CACNA1C: variants seen among roughly 807,000 people sequenced by gnomAD.
The protein encoded by CACNA1C is voltage-dependent L-type calcium channel subunit alpha-1C.
In CACNA1C, 30 loss-of-function variants were observed where a neutral mutation model predicts 229.0. That is an observed-to-expected ratio of 0.13 (90% CI 0.10 to 0.18). The LOEUF (loss-of-function observed/expected upper bound fraction) is 0.18, where lower values mean the gene tolerates loss of function less well. Among genes scored for constraint, CACNA1C ranks in the 10% least tolerant of loss-of-function variants. The probability of loss-of-function intolerance (pLI) is 1.00; values close to 1 mark genes in which losing one functional copy is unlikely to be tolerated. For synonymous variants in CACNA1C, 1,114 were observed against 1,132.5 expected, an observed-to-expected ratio of 0.98 and a Z score of 0.33; for missense variants, 1,658 against 2,845.0, an observed-to-expected ratio of 0.58 and a Z score of 9.49.
chr12:2,444,171 G>A (rs1201391147), intron 3 of CACNA1C, among the ~76,000 whole-genome samples: 6 of 152,140 alleles, frequency 3.9e-5, no homozygotes, highest in Non-Finnish European at 5.9e-5. Context: ...AGTGAACTGC[G>A]TTTCTCCAGT....
chr12:2,612,073 TG>T lies in CACNA1C; in HGVS notation c.3828+64del, dbSNP rs774507388. On this transcript the variant is annotated intron_variant, in intron 29 of 46. Transcript: ENST00000399655. Reference sequence around the variant, plus strand: ...ATCAGGGGTGGACAGAACGGGGAGGTGGGGTGCAGGTATTGAAGGCAGAATG... The same window carrying T: ...ATCAGGGGTGGACAGAACGGGGAGGTGGGTGCAGGTATTGAAGGCAGAATG... 4.9e-6 allele frequency: 5 copies of T among 1,023,500 alleles called. No individual in the cohort carries two copies. In the South Asian group the frequency reaches 6.4e-5, roughly 13 times the overall value. 63.4% of individuals were successfully genotyped at this position (1,023,500 alleles called of 1,614,324 possible).
intron 1 of CACNA1C, among the ~76,000 whole-genome samples, chr12:2,059,727 A>G (rs1388239398): frequency 6.6e-6 from 1 of 152,208 alleles, no homozygotes; most frequent in Non-Finnish European, 1.5e-5. Flanking sequence ...AAGGAACCTT[A>G]GAGACAATCC....
At chr12:2,109,571 G>A (rs1287484996) in intron 1 of CACNA1C, among the ~76,000 whole-genome samples, 2 of 152,226 alleles carry the variant, frequency 1.3e-5, no homozygotes, top group Non-Finnish European at 2.9e-5. Context: ...GGGCCAGTCT[G>A]TGCAGGTGTT....
At chr12:2,424,993 G>A (rs746142160) in intron 3 of CACNA1C, among the ~76,000 whole-genome samples, 3 of 152,266 alleles carry the variant, frequency 2.0e-5, no homozygotes, top group Non-Finnish European at 2.9e-5. Context: ...TGTCTGCACT[G>A]TGGGAGGGAA....
At chr12:2,474,407 T>C (rs2099610431) in intron 5 of CACNA1C, among the ~76,000 whole-genome samples, 1 of 151,686 alleles carries the variant, frequency 6.6e-6, no homozygotes, top group Non-Finnish European at 1.5e-5. Flanking sequence ...GTTCTGGGAG[T>C]GAGTGTGGCA....
intron 3 of CACNA1C, among the ~76,000 whole-genome samples, chr12:2,176,970 T>C (rs2096664590): frequency 6.6e-6 from 1 of 152,186 alleles, no homozygotes; most frequent in Non-Finnish European, 1.5e-5. Flanking sequence ...GGATCGGCCA[T>C]CAGTCTACGG....
intron 3 of CACNA1C, among the ~76,000 whole-genome samples, chr12:2,393,744 G>C (rs895222418): frequency 6.6e-6 from 1 of 152,148 alleles, no homozygotes; most frequent in African/African-American, 2.4e-5. Flanking sequence ...AAGGTTATAA[G>C]ATCAAAATTT....
Position 2,596,745 on chromosome 12 carries a change from C to T in CACNA1C, c.2794-485C>T, listed in dbSNP as rs141127358. ...ACCTGAAGGATGCACCTCCCTTGCC[C>T]CAGAGGACATAACCCAGGAATAGAT... is the stretch of plus-strand genomic sequence containing the variant. On this transcript the variant is annotated intron_variant, in intron 20 of 46. Transcript: ENST00000399655. 1.1e-3 allele frequency among the ~76,000 whole-genome samples: 167 copies of T among 152,270 alleles called. 1 individual carries two copies. The highest frequency in any genetic ancestry group is 1.8e-3 in the Non-Finnish European group (122 of 68,030).
At chr12:2,283,308 G>C (rs1160379490) in intron 3 of CACNA1C, among the ~76,000 whole-genome samples, 2 of 152,214 alleles carry the variant, frequency 1.3e-5, no homozygotes, top group African/African-American at 4.8e-5. Context: ...GGCTGACAAA[G>C]TATCTTACCT....
chr12:2,144,201 A>G (rs546382820), intron 3 of CACNA1C, among the ~76,000 whole-genome samples: 4 of 151,532 alleles, frequency 2.6e-5, no homozygotes, highest in South Asian at 2.1e-4. Flanking sequence ...TAGAAAGCCA[A>G]TAAGGCAGTG....
chr12:2,008,268 C>A (rs2043817860), intron 1 of CACNA1C, among the ~76,000 whole-genome samples: 1 of 152,150 alleles, frequency 6.6e-6, no homozygotes, highest in Admixed American at 6.5e-5. Context: ...CAGGCTGGTG[C>A]CACCATGCCC....
intron 3 of CACNA1C, among the ~76,000 whole-genome samples, chr12:2,371,092 C>T (rs1179452183): frequency 6.6e-6 from 1 of 152,182 alleles, no homozygotes; most frequent in East Asian, 1.9e-4. Context: ...TAGCTGATTT[C>T]ACATACATAA....
At chr12:2,291,326 GCTCAAGGGCCCCTGGCTT>G (rs1387588259) in intron 3 of CACNA1C, among the ~76,000 whole-genome samples, 1 of 152,116 alleles carries the variant, frequency 6.6e-6, no homozygotes, top group Non-Finnish European at 1.5e-5. Flanking sequence ...ACGGATATTT[GCTCAAGGGCCCCTGGCTT>G]CTCAAGGGCC....
intron 11 of CACNA1C, among the ~76,000 whole-genome samples, chr12:2,562,994 T>C (rs1181778949): frequency 6.6e-6 from 1 of 152,246 alleles, no homozygotes; most frequent in Non-Finnish European, 1.5e-5. Flanking sequence ...ATATTTATTC[T>C]ATTTAACTAT....
intron 30 of CACNA1C, among the ~76,000 whole-genome samples, chr12:2,637,383 AC>A (rs1568971621): frequency 6.6e-6 from 1 of 152,150 alleles, no homozygotes; most frequent in East Asian, 1.9e-4. Context: ...TCCAACCAAG[AC>A]CTTTTGGTTA....
At chr12:1,973,317 A>G (rs1020703257) in intron 1 of CACNA1C, among the ~76,000 whole-genome samples, 2 of 152,190 alleles carry the variant, frequency 1.3e-5, no homozygotes, top group African/African-American at 4.8e-5. Context: ...TGGGTGACTA[A>G]TACTCATGAA....
chr12:2,088,680 A>C (rs1189073448), intron 1 of CACNA1C, among the ~76,000 whole-genome samples: 1 of 152,160 alleles, frequency 6.6e-6, no homozygotes, highest in Non-Finnish European at 1.5e-5. Context: ...CTTGCTGACG[A>C]AACAACCTCC....
chr12:2,535,704 T>TA (rs758857733), intron 9 of CACNA1C, among the ~76,000 whole-genome samples: 735 of 36,502 alleles, frequency 0.02, 53 homozygotes, highest in East Asian at 0.1. Context: ...AGACCCTGTC[T>TA]AAAAAAAAAA....
intron 29 of CACNA1C, among the ~76,000 whole-genome samples, chr12:2,620,776 C>A (rs1344217678): frequency 6.6e-6 from 1 of 152,208 alleles, no homozygotes; most frequent in East Asian, 1.9e-4. Flanking sequence ...GGAAGACTTA[C>A]ACATTGGGGA....
Sources: allele counts gnomAD v4.1 joint callset (sites outside exome capture counted in the v4.1 genomes callset), GRCh38; gene constraint gnomAD v4.1.1; transcripts MANE v1.5; gene names NCBI Gene and HGNC (gene_info 2026-07-23, HGNC 2026-07-21).